Variants in MEMO1 observed in about 807,000 individuals in gnomAD.
The protein encoded by MEMO1 is mediator of cell motility 1.
In MEMO1, 6 loss-of-function variants were observed where a neutral mutation model predicts 45.2. That is an observed-to-expected ratio of 0.13 (90% confidence interval 0.07 to 0.26). MEMO1 has a LOEUF of 0.26. Ranked by LOEUF, MEMO1 falls within the 10% of genes least tolerant of loss-of-function variation. The pLI is 1.00. For synonymous variants in MEMO1, 78 were observed against 124.3 expected (o/e 0.63, Z 2.48); for missense variants, 184 against 370.5 (o/e 0.50, Z 4.13).
intron 2 of MEMO1, among the ~76,000 whole-genome samples, chr2:31,969,099 T>C (rs1307611833): frequency 6.6e-6 from 1 of 151,814 alleles, no homozygotes; most frequent in Non-Finnish European, 1.5e-5. Context: ...ATAATGTCTA[T>C]TCCATACACA....
chr2:31,944,060 G>A (rs780754495), intron 2 of MEMO1, among the ~76,000 whole-genome samples: 17 of 152,032 alleles, frequency 1.1e-4, no homozygotes, highest in Non-Finnish European at 1.9e-4. Context: ...TCCTTGCTGT[G>A]GCCTCACTCC....
intron 2 of MEMO1, among the ~76,000 whole-genome samples, chr2:31,960,312 G>A (rs934244185): frequency 1.3e-5 from 2 of 152,162 alleles, no homozygotes; most frequent in African/African-American, 2.4e-5. Flanking sequence ...TTAAAAAGGA[G>A]AATGATAATT....
At chr2:31,933,971 G>T (rs548813511) in intron 3 of MEMO1, among the ~76,000 whole-genome samples, 3 of 152,110 alleles carry the variant, frequency 2.0e-5, no homozygotes, top group Non-Finnish European at 2.9e-5. Context: ...TGCCTGAGAC[G>T]TCACTGCTCA....
At chr2:31,933,336 A>ATATATAT (rs1558514075) in intron 3 of MEMO1, among the ~76,000 whole-genome samples, 1 of 57,458 alleles carries the variant, frequency 1.7e-5, no homozygotes, top group African/African-American at 7.9e-5. Context: ...AAAAAAAAAA[A>ATATATAT]AAAAAAAAAA....
At chr2:31,884,987 T>C (rs1463363750) in intron 7 of MEMO1, among the ~76,000 whole-genome samples, 1 of 152,236 alleles carries the variant, frequency 6.6e-6, no homozygotes, top group East Asian at 1.9e-4. Flanking sequence ...GCCTCTATAT[T>C]GATAATTCAT....
chr2:31,936,919 C>T (rs2148286138), intron 3 of MEMO1, among the ~76,000 whole-genome samples: 1 of 152,164 alleles, frequency 6.6e-6, no homozygotes, highest in East Asian at 1.9e-4. Flanking sequence ...AATGAGAAGA[C>T]TGAACCAGAG....
chr2:31,945,444 G>A (rs1666080410), intron 2 of MEMO1, among the ~76,000 whole-genome samples: 1 of 152,094 alleles, frequency 6.6e-6, no homozygotes, highest in African/African-American at 2.4e-5. Context: ...TGCCCACTAA[G>A]GTAGCTGGAT....
intron 2 of MEMO1, among the ~76,000 whole-genome samples, chr2:31,959,001 AG>A (rs1467864430): frequency 6.6e-6 from 1 of 152,180 alleles, no homozygotes; most frequent in Non-Finnish European, 1.5e-5. Context: ...AATAAATTGA[AG>A]GGGGATAAGA....
At position 31,920,829 on chromosome 2, in the gene MEMO1, T is replaced by C. The variant is rs779334430; in HGVS notation, c.294A>G (p.Thr98=). The C allele has an allele frequency of 1.9e-6, 3 of 1,607,958 alleles. No homozygotes were observed. Among genetic ancestry groups the C allele is most frequent in the Non-Finnish European group, 2.5e-6 (3 of 1,177,496 alleles). ...CALSSVDIYR[T]PLYDLRIDQK... is the part of the protein sequence containing the mutation. ...GGTCAATACGAAGGTCATACAGAGGTGTCCTATATATATCCACACTGGAAA... is the reference window on the plus strand; with the variant it reads ...GGTCAATACGAAGGTCATACAGAGGCGTCCTATATATATCCACACTGGAAA... Residue 98 remains threonine, a synonymous_variant, in exon 5 of 10, where the codon ACA becomes ACG. Coordinates refer to ENST00000404530, the MANE Select transcript of MEMO1 (RefSeq NM_001301833.4).
intron 2 of MEMO1, among the ~76,000 whole-genome samples, chr2:31,959,331 G>C (rs1412423077): frequency 2.0e-5 from 3 of 152,148 alleles, no homozygotes; most frequent in Non-Finnish European, 2.9e-5. Flanking sequence ...TGAGTCCTGA[G>C]ATACAGGTAC....
At chr2:31,947,107 TTAAG>T (rs1055573395) in intron 2 of MEMO1, among the ~76,000 whole-genome samples, 16 of 152,094 alleles carry the variant, frequency 1.1e-4, no homozygotes, top group African/African-American at 3.6e-4. Flanking sequence ...ATCCCTGTGA[TTAAG>T]TAACACGACT....
At chr2:31,951,517 G>GTT (rs201608134) in intron 2 of MEMO1, among the ~76,000 whole-genome samples, 29 of 139,176 alleles carry the variant, frequency 2.1e-4, no homozygotes, top group African/African-American at 3.9e-4. Context: ...TCACTTAATG[G>GTT]TTTTTTTTTT....
chr2:31,922,802 T>C (rs994173331), intron 4 of MEMO1, among the ~76,000 whole-genome samples: 2 of 152,106 alleles, frequency 1.3e-5, no homozygotes, highest in African/African-American at 4.8e-5. Flanking sequence ...TGATATGATC[T>C]CATTCTTTTA....
chr2:31,913,668 T>G (rs1246180685), intron 6 of MEMO1, among the ~76,000 whole-genome samples: 1 of 152,104 alleles, frequency 6.6e-6, no homozygotes, highest in Admixed American at 6.6e-5. Context: ...ACTGAAATCT[T>G]TTTGTGTACC....
At chr2:31,992,514 TG>T (rs1178492607) in intron 2 of MEMO1, among the ~76,000 whole-genome samples, 1 of 152,218 alleles carries the variant, frequency 6.6e-6, no homozygotes, top group Non-Finnish European at 1.5e-5. Context: ...CGGGGCACAG[TG>T]GTTCACACCT....
At chr2:31,966,568 C>A (rs1668633747) in intron 2 of MEMO1, among the ~76,000 whole-genome samples, 1 of 151,522 alleles carries the variant, frequency 6.6e-6, no homozygotes, top group Non-Finnish European at 1.5e-5. Context: ...CCCTTTCTAC[C>A]AAAAATACAA....
intron 2 of MEMO1, among the ~76,000 whole-genome samples, chr2:31,974,406 G>C (rs555608975): frequency 4.5e-4 from 68 of 152,188 alleles, no homozygotes; most frequent in Non-Finnish European, 9.0e-4. Flanking sequence ...AATATTTAAG[G>C]TGTTATATAC....
At chr2:31,995,439 GT>G (rs1176923024) in intron 2 of MEMO1, among the ~76,000 whole-genome samples, 1 of 152,084 alleles carries the variant, frequency 6.6e-6, no homozygotes, top group African/African-American at 2.4e-5. Flanking sequence ...GGGCAATAGA[GT>G]GAGATTCTAT....
intron 4 of MEMO1, among the ~76,000 whole-genome samples, chr2:31,927,107 G>A (rs956885435): frequency 2.0e-5 from 3 of 152,056 alleles, no homozygotes; most frequent in Admixed American, 1.3e-4. Context: ...GAGGCAGGTC[G>A]ATCACAAGGT....
Sources: allele counts gnomAD v4.1 joint callset (sites outside exome capture counted in the v4.1 genomes callset), GRCh38; gene constraint gnomAD v4.1.1; transcripts MANE v1.5; gene names NCBI Gene and HGNC (gene_info 2026-07-23, HGNC 2026-07-21).